The following CCDC186 variants were observed in gnomAD, a reference collection of about 807,000 sequenced individuals.
CCDC186 encodes the protein coiled-coil domain containing 186, also known as coiled-coil domain-containing protein 186.
A neutral mutation model predicts 113.7 loss-of-function variants in CCDC186; 49 were observed. The observed-to-expected ratio is 0.43, with a 90% CI of 0.34 to 0.55. The LOEUF (loss-of-function observed/expected upper bound fraction) is 0.55, where lower values mean the gene tolerates loss of function less well. Among genes scored for constraint, CCDC186 ranks in the 20% least tolerant of loss-of-function variants. The pLI, the probability that CCDC186 is intolerant of heterozygous loss-of-function variation, is 0.02. For missense variants in CCDC186, 890 were observed against 1,011.1 expected (o/e 0.88, Z 1.62); for synonymous variants, 355 against 345.8 (o/e 1.03, Z -0.30).
At position 114,145,698 on chromosome 10, in the gene CCDC186, C is replaced by T. The variant is rs2031616005; in HGVS notation, c.952G>A (p.Gly318Ser). ...CGAAGATCTAAAGATTCCTTCTCAC[C>T]TCTTACATATTTCATTACCATTGCT... ...KEAMVMKYVR[G>S]EKESLDLRKE... is the part of the protein sequence containing the mutation. The change falls in exon 5 of 16, where the codon GGT becomes AGT. Residue 318 changes from glycine to serine, a missense_variant. Coordinates refer to ENST00000369287, the MANE Select transcript of CCDC186 (RefSeq NM_018017.4). The T allele has an allele frequency of 1.2e-6, 2 of 1,611,056 alleles. No homozygotes were observed. Among genetic ancestry groups the T allele is most frequent in the South Asian group, 1.1e-5 (1 of 89,978 alleles).
intron 13 of CCDC186, among the ~76,000 whole-genome samples, chr10:114,128,945 G>A (rs187693845): frequency 2.6e-5 from 4 of 152,286 alleles, no homozygotes; most frequent in African/African-American, 9.6e-5. Context: ...ATGAATTAAC[G>A]TAAATTTCAA....
chr10:114,145,593 G>A lies in CCDC186; in HGVS notation c.1057C>T (p.Leu353Phe). 6.2e-6 allele frequency: 10 copies of A among 1,612,318 alleles called. No homozygotes were observed. The highest frequency in any genetic ancestry group is 1.1e-5 in the South Asian group (1 of 90,770). The change falls in exon 5 of 16, where the codon CTT becomes TTT. Residue 353 changes from leucine (L) to phenylalanine (F), a missense_variant. By Grantham distance (22) the Leu-to-Phe change is conservative. Transcript: ENST00000369287. ...TGCAACCGTCCTTTCTCCTGAGAAAGCTGCTTAATTTTGTTAGTGTTTTTC... is the reference window on the plus strand; with the variant it reads ...TGCAACCGTCCTTTCTCCTGAGAAAACTGCTTAATTTTGTTAGTGTTTTTC... ...LEKNTNKIKQ[L>F]SQEKGRLHQL...
chr10:114,151,582 T>G (rs1456736244), intron 3 of CCDC186, among the ~76,000 whole-genome samples: 2 of 152,240 alleles, frequency 1.3e-5, no homozygotes, highest in Admixed American at 6.5e-5. Context: ...AGTTTTCAAT[T>G]GCATGCCATT....
intron 13 of CCDC186, among the ~76,000 whole-genome samples, chr10:114,128,781 A>G (rs984672430): frequency 6.6e-6 from 1 of 152,208 alleles, no homozygotes; most frequent in Non-Finnish European, 1.5e-5. Flanking sequence ...TTTTTACTTT[A>G]GGACATAGGT....
intron 6 of CCDC186, among the ~76,000 whole-genome samples, chr10:114,143,164 C>G (rs2031532527): frequency 6.6e-6 from 1 of 152,180 alleles, no homozygotes; most frequent in Non-Finnish European, 1.5e-5. Flanking sequence ...CAGAAGTCAG[C>G]CTTAAATCAC....
chr10:114,169,472 A>G (rs1186162019), intron 1 of CCDC186, among the ~76,000 whole-genome samples: 2 of 151,938 alleles, frequency 1.3e-5, no homozygotes, highest in Non-Finnish European at 2.9e-5. Context: ...GGAACTCCTG[A>G]CCTCAAGCAA....
chr10:114,168,043 C>T (rs1465018559), intron 1 of CCDC186: 2 of 152,052 alleles, frequency 1.3e-5, no homozygotes, highest in South Asian at 2.1e-4. Flanking sequence ...ATAGTAATTA[C>T]AATTATAGAT....
chr10:114,136,198 T>C lies in CCDC186; in HGVS notation c.1375A>G (p.Thr459Ala). The change falls in exon 8 of 16, where the codon ACA (threonine) becomes GCA (alanine). Residue 459 changes from threonine to alanine, a missense_variant. Physicochemically the swap from Thr to Ala is moderately conservative, Grantham distance 58 (BLOSUM62 0). Coordinates refer to ENST00000369287, the MANE Select transcript of CCDC186 (RefSeq NM_018017.4). Reference sequence around the variant, plus strand: ...ATTTGTTTTTCAAGTTCTCCTTTTGTGACTCTAAGCTTTGCATCAAGCTCA... The same window carrying C: ...ATTTGTTTTTCAAGTTCTCCTTTTGCGACTCTAAGCTTTGCATCAAGCTCA... ...SNELDAKLRV[T>A]KGELEKQMQE... 2 of 1,613,060 alleles carry C rather than the reference T, an allele frequency of 1.2e-6. No homozygotes were observed. Among genetic ancestry groups the C allele is most frequent in the Middle Eastern group, 1.7e-4 (1 of 6,058 alleles).
intron 11 of CCDC186, 57 bp from the exon 12 acceptor site, chr10:114,131,393 C>T: frequency 1.4e-6 from 2 of 1,397,388 alleles, no homozygotes; most frequent in Non-Finnish European, 1.9e-6. Context: ...TCCATTAATG[C>T]TCAGTTTATA....
intron 3 of CCDC186, among the ~76,000 whole-genome samples, chr10:114,153,554 G>A (rs1298813374): frequency 1.3e-5 from 2 of 152,118 alleles, no homozygotes; most frequent in African/African-American, 2.4e-5. Context: ...GGGAGGCAGA[G>A]GCAGGAGGCT....
intron 9 of CCDC186, 66 bp from the exon 10 acceptor site, chr10:114,135,121 G>A (rs527913866): frequency 6.9e-7 from 1 of 1,452,842 alleles, no homozygotes; most frequent in East Asian, 2.4e-5. Flanking sequence ...ATTTTGTATA[G>A]TGGTTACATA....
intron 1 of CCDC186, among the ~76,000 whole-genome samples, chr10:114,165,614 C>T (rs1419876758): frequency 4.6e-5 from 7 of 152,150 alleles, no homozygotes; most frequent in Admixed American, 2.0e-4. Context: ...TGCTTGAACC[C>T]GGAAGGCAGA....
At position 114,125,102 on chromosome 10, in the gene CCDC186, C is replaced by G. The variant is rs1421581482; in HGVS notation, c.*41G>C. 2 of 1,453,088 alleles carry G rather than the reference C, an allele frequency of 1.4e-6. No homozygotes were observed. The highest frequency in any genetic ancestry group is 1.9e-6 in the Non-Finnish European group (2 of 1,053,444). 90.0% of individuals were successfully genotyped at this position (1,453,088 alleles called of 1,614,324 possible). On this transcript the variant is annotated 3_prime_UTR_variant, in exon 16 of 16. Transcript: ENST00000369287. ...ACAATAGAGGTCAGTGGCACCTACT[C>G]CTGTGTGGCTTTTGTCTCTTTACTG... is the stretch of plus-strand genomic sequence containing the variant.
intron 13 of CCDC186, among the ~76,000 whole-genome samples, chr10:114,128,378 G>A (rs577707164): frequency 6.6e-6 from 1 of 152,234 alleles, no homozygotes; most frequent in African/African-American, 2.4e-5. Flanking sequence ...ATGAATAAAT[G>A]GCAGAGCTGG....
At chr10:114,126,270 C>T (rs143893962) in intron 14 of CCDC186, among the ~76,000 whole-genome samples, 165 bp from the exon 15 acceptor site, 84 of 152,280 alleles carry the variant, frequency 5.5e-4, no homozygotes, top group Middle Eastern at 3.4e-3. Context: ...CTTAAACTAT[C>T]TCATTTTTGT....
intron 4 of CCDC186, among the ~76,000 whole-genome samples, chr10:114,146,890 A>G (rs896241977): frequency 5.7e-4 from 87 of 152,270 alleles, no homozygotes; most frequent in African/African-American, 2.0e-3. Context: ...AAATTCTGGC[A>G]CTGCTGATAA....
chr10:114,130,969 A>G (rs2031067782), intron 12 of CCDC186, 178 bp downstream of exon 12: 1 of 457,320 alleles, frequency 2.2e-6, no homozygotes, highest in Admixed American at 4.4e-5. Context: ...AGCATACAAG[A>G]TATCCTTTAG....
intron 2 of CCDC186, among the ~76,000 whole-genome samples, chr10:114,159,029 C>A (rs1353390289): frequency 6.6e-6 from 1 of 151,962 alleles, no homozygotes; most frequent in Non-Finnish European, 1.5e-5. Flanking sequence ...TAAAGGAGAG[C>A]GAAAAGCCAG....
At chr10:114,135,119 T>G in intron 9 of CCDC186, 64 bp from the exon 10 acceptor site, 5 of 1,466,798 alleles carry the variant, frequency 3.4e-6, no homozygotes, top group South Asian at 2.7e-5. Context: ...CTATTTTGTA[T>G]AGTGGTTACA....
Sources: gnomAD v4.1 joint callset for allele counts (sites outside exome capture counted in the v4.1 genomes callset) on GRCh38, gnomAD v4.1.1 for gene constraint, MANE v1.5 for transcripts, NCBI Gene and HGNC (gene_info 2026-07-23, HGNC 2026-07-21) for gene names.